Variants in PTPRN2 observed in about 807,000 individuals in gnomAD.
The protein encoded by PTPRN2 is receptor-type tyrosine-protein phosphatase N2.
In PTPRN2, 74 loss-of-function variants were observed where a neutral mutation model predicts 118.8. That is an observed-to-expected ratio of 0.62 (90% CI 0.52 to 0.76). PTPRN2 has a LOEUF of 0.76. PTPRN2 is among the 30% of genes least tolerant of loss of function. The pLI is 0.00. For missense variants in PTPRN2, 1,481 were observed against 1,394.4 expected, an observed-to-expected ratio of 1.06 and a Z score of -0.99; for synonymous variants, 641 against 608.0, an observed-to-expected ratio of 1.05 and a Z score of -0.80.
intron 3 of PTPRN2, among the ~76,000 whole-genome samples, chr7:158,284,432 G>A (rs1342266260): frequency 6.6e-6 from 1 of 152,164 alleles, no homozygotes; most frequent in Non-Finnish European, 1.5e-5. Flanking sequence ...AAGTGCTGCT[G>A]GGACACACCC....
intron 12 of PTPRN2, among the ~76,000 whole-genome samples, chr7:157,793,078 C>T (rs767921844): frequency 3.0e-4 from 46 of 151,920 alleles, no homozygotes; most frequent in Non-Finnish European, 5.9e-4. Context: ...CTCTACAATG[C>T]GCTGTGCCCG....
chr7:157,972,970 C>T (rs527501809), intron 11 of PTPRN2, among the ~76,000 whole-genome samples: 13 of 151,724 alleles, frequency 8.6e-5, no homozygotes, highest in African/African-American at 2.2e-4. Flanking sequence ...CTTCAGAGAC[C>T]GTAGGAATTC....
At position 158,131,818 on chromosome 7, in the gene PTPRN2, G is replaced by A. The variant is rs115462913; in HGVS notation, c.1556+1859C>T. 9.0e-3 allele frequency among the ~76,000 whole-genome samples: 1,090 copies of A among 120,616 alleles called. 15 individuals are homozygous for A. The highest frequency in any genetic ancestry group is 0.041 in the Middle Eastern group (5 of 122). The allele number at this position is 120,616 out of a possible 152,430, so 79.1% of individuals were successfully genotyped here. On this transcript the variant is annotated intron_variant, in intron 9 of 22. Transcript: ENST00000389418. ...CACTCATACACACACACACAAATAC[G>A]CAAATACACACATCTACCCAACACA...
chr7:158,476,802 T>C (rs1820300155), intron 2 of PTPRN2, among the ~76,000 whole-genome samples: 2 of 152,206 alleles, frequency 1.3e-5, no homozygotes, highest in South Asian at 4.1e-4. Flanking sequence ...TCCTCCCGCT[T>C]CTCCTTCCTC....
At chr7:158,541,762 G>A in intron 1 of PTPRN2, 1 of 1,192,704 alleles carries the variant, frequency 8.4e-7, no homozygotes, top group Non-Finnish European at 1.1e-6. Flanking sequence ...AAGGGCTGCG[G>A]ACGCATAAAA....
At chr7:157,817,315 C>T (rs777448460) in intron 12 of PTPRN2, among the ~76,000 whole-genome samples, 1 of 152,164 alleles carries the variant, frequency 6.6e-6, no homozygotes, top group Non-Finnish European at 1.5e-5. Flanking sequence ...TTGCTGCTCC[C>T]CCAAACGAAG....
At chr7:158,489,466 G>A (rs563942829) in intron 2 of PTPRN2, among the ~76,000 whole-genome samples, 1 of 152,282 alleles carries the variant, frequency 6.6e-6, no homozygotes, top group Admixed American at 6.5e-5. Context: ...TTTTAAAAAA[G>A]GATGAAAAAC....
chr7:158,514,193 G>T (rs1823377787), intron 1 of PTPRN2, among the ~76,000 whole-genome samples: 1 of 152,160 alleles, frequency 6.6e-6, no homozygotes, highest in South Asian at 2.1e-4. Flanking sequence ...GCTGAGGATG[G>T]TCTTACCTCA....
At chr7:158,195,568 G>A (rs1381517148) in intron 4 of PTPRN2, among the ~76,000 whole-genome samples, 1 of 150,790 alleles carries the variant, frequency 6.6e-6, no homozygotes, top group Admixed American at 6.6e-5. Flanking sequence ...TGGGACTCCA[G>A]TTATACAGAT....
At chr7:158,128,704 C>T (rs1045892604) in intron 9 of PTPRN2, among the ~76,000 whole-genome samples, 3 of 152,102 alleles carry the variant, frequency 2.0e-5, no homozygotes, top group Admixed American at 6.5e-5. Flanking sequence ...CAAACCACAC[C>T]GGCCTCCTGC....
rs377477122 is a variant in PTPRN2, at chr7:158,312,026, C to T, written c.277+4793G>A. ...ACACACCTGCACATTCACATGCTCACGTGTAGAGACACACACATGCACACA... is the reference window on the plus strand; with the variant it reads ...ACACACCTGCACATTCACATGCTCATGTGTAGAGACACACACATGCACACA... On this transcript the variant is annotated intron_variant, in intron 3 of 22. Coordinates refer to ENST00000389418, the MANE Select transcript of PTPRN2 (RefSeq NM_002847.5). Among the ~76,000 whole-genome samples the T allele has an allele frequency of 7.9e-5, 12 of 151,590 alleles. 1 individual carries two copies. In the South Asian group the frequency reaches 1.5e-3, roughly 19 times the overall value.
intron 12 of PTPRN2, among the ~76,000 whole-genome samples, chr7:157,871,579 G>A (rs1811051176): frequency 6.6e-6 from 1 of 152,004 alleles, no homozygotes; most frequent in Non-Finnish European, 1.5e-5. Context: ...AAGAGCAACC[G>A]GGACTCACTG....
At chr7:158,076,435 C>T (rs924088805) in intron 11 of PTPRN2, among the ~76,000 whole-genome samples, 2 of 152,322 alleles carry the variant, frequency 1.3e-5, no homozygotes, top group Non-Finnish European at 1.5e-5. Flanking sequence ...GAACGTCTGC[C>T]GCTTGTGGAC....
chr7:157,833,508 C>G (rs374055673), intron 12 of PTPRN2, among the ~76,000 whole-genome samples: 7,866 of 139,834 alleles, frequency 0.056, 1,003 homozygotes, highest in African/African-American at 0.19. Flanking sequence ...GCGACGTGGC[C>G]GGCGCCCATC....
intron 21 of PTPRN2, among the ~76,000 whole-genome samples, chr7:157,552,826 C>T (rs749341863): frequency 1.3e-5 from 2 of 152,116 alleles, no homozygotes; most frequent in Non-Finnish European, 2.9e-5. Context: ...TGGGCCTGGC[C>T]GGGAAGCTGG....
intron 13 of PTPRN2, among the ~76,000 whole-genome samples, chr7:157,678,931 T>C (rs1796793118): frequency 6.6e-6 from 1 of 152,106 alleles, no homozygotes; most frequent in South Asian, 2.1e-4. Flanking sequence ...GAGAATGTCT[T>C]CTAATCATCT....
intron 2 of PTPRN2, among the ~76,000 whole-genome samples, chr7:158,411,119 C>T (rs1814047192): frequency 6.6e-6 from 1 of 152,120 alleles, no homozygotes; most frequent in South Asian, 2.1e-4. Context: ...GAGGAGGCCT[C>T]GCTCTTCCAC....
chr7:158,313,267 T>C (rs1161320741), intron 3 of PTPRN2, among the ~76,000 whole-genome samples: 1 of 152,172 alleles, frequency 6.6e-6, no homozygotes, highest in Non-Finnish European at 1.5e-5. Context: ...AGGGTCGTCC[T>C]CCTGCCACGG....
intron 3 of PTPRN2, among the ~76,000 whole-genome samples, chr7:158,264,258 G>C (rs1199439524): frequency 1.3e-5 from 2 of 152,164 alleles, no homozygotes; most frequent in Non-Finnish European, 2.9e-5. Context: ...CAATTCAGTA[G>C]GGGAAATAAA....
Sources: allele counts gnomAD v4.1 joint callset (sites outside exome capture counted in the v4.1 genomes callset), GRCh38; gene constraint gnomAD v4.1.1; transcripts MANE v1.5; gene names NCBI Gene and HGNC (gene_info 2026-07-23, HGNC 2026-07-21).